The following PKD2L1 variants were observed in gnomAD, a reference collection of about 807,000 sequenced individuals.
The protein encoded by PKD2L1 is polycystin 2 like 1, transient receptor potential cation channel.
A neutral mutation model predicts 93.0 loss-of-function variants in PKD2L1; 77 were observed. The ratio of observed to expected loss-of-function variants is 0.83; its 90% CI spans 0.69 to 1.00. PKD2L1 has a LOEUF of 1.00. Ranked by LOEUF, PKD2L1 falls within the 50% of genes least tolerant of loss-of-function variation. PKD2L1 has a pLI of 0.00. For missense variants in PKD2L1, 977 were observed against 990.9 expected, an observed-to-expected ratio of 0.99 and a Z score of 0.19; for synonymous variants, 390 against 388.0, an observed-to-expected ratio of 1.01 and a Z score of -0.06.
At position 100,293,006 on chromosome 10, in the gene PKD2L1, C is replaced by A. The variant is rs762237935; in HGVS notation, c.1822G>T (p.Val608Phe). Residue 608 changes from valine (V) to phenylalanine (F), a missense_variant, in exon 11 of 16, where the codon GTC (valine) becomes TTC (phenylalanine). Transcript: ENST00000318222. ...RKERVSDVQK[V>F]LQGGEQEIQF... ...ATCTCCTGCTCCCCACCCTGCAGGA[C>A]CTTCTGCACATCCGAAACCCTCTCC... 3.1e-6 allele frequency: 5 copies of A among 1,613,876 alleles called. No homozygotes were observed. The highest frequency in any genetic ancestry group is 1.1e-5 in the South Asian group (1 of 91,080).
At chr10:100,326,885 T>C (rs1249936377) in intron 2 of PKD2L1, among the ~76,000 whole-genome samples, 3 of 145,062 alleles carry the variant, frequency 2.1e-5, no homozygotes, top group South Asian at 5.1e-4. Context: ...CTGAAAACCA[T>C]AGTATTATGA....
chr10:100,308,263 G>T (rs937710996), intron 2 of PKD2L1, among the ~76,000 whole-genome samples: 5 of 151,666 alleles, frequency 3.3e-5, no homozygotes, highest in African/African-American at 1.2e-4. Context: ...TTTCTCCCAG[G>T]ATCCTGAAAA....
chr10:100,300,641 T>C (rs978314166), intron 2 of PKD2L1, among the ~76,000 whole-genome samples: 3 of 152,258 alleles, frequency 2.0e-5, no homozygotes, highest in African/African-American at 7.2e-5. Flanking sequence ...TGATACTGTG[T>C]CTTTCTCAGT....
chr10:100,290,712 C>A (rs1848388375), intron 12 of PKD2L1, among the ~76,000 whole-genome samples, 193 bp from the exon 13 acceptor site: 1 of 152,178 alleles, frequency 6.6e-6, no homozygotes. Context: ...GAGGAGTCAC[C>A]TCTCAAAGAA....
At chr10:100,311,157 T>C (rs1054647701) in intron 2 of PKD2L1, among the ~76,000 whole-genome samples, 37 of 152,238 alleles carry the variant, frequency 2.4e-4, no homozygotes, top group Admixed American at 5.2e-4. Flanking sequence ...TTTTTCTTGC[T>C]CAGCAATGAG....
At chr10:100,315,517 G>A (rs615493) in intron 2 of PKD2L1, among the ~76,000 whole-genome samples, 151,763 of 152,288 alleles carry the variant, frequency 1, 75,626 homozygotes, top group Middle Eastern at 1. Context: ...ATGAGTGAGA[G>A]CATGCGATGT....
intron 2 of PKD2L1, among the ~76,000 whole-genome samples, chr10:100,325,419 A>T (rs557134788): frequency 6.6e-6 from 1 of 152,274 alleles, no homozygotes; most frequent in South Asian, 2.1e-4. Context: ...GTCGCCTGAA[A>T]ATATGTCTGA....
chr10:100,319,452 A>G (rs1849180148), intron 2 of PKD2L1, among the ~76,000 whole-genome samples: 1 of 151,312 alleles, frequency 6.6e-6, no homozygotes, highest in Non-Finnish European at 1.5e-5. Context: ...TCGTGGTTCT[A>G]TATGACAAAG....
chr10:100,296,849 G>T, intron 6 of PKD2L1, 131 bp downstream of exon 6: 1 of 633,010 alleles, frequency 1.6e-6, no homozygotes, highest in East Asian at 2.7e-5. Context: ...TTAGGGAGCT[G>T]TTAAATGATG....
chr10:100,291,408 C>T lies in PKD2L1; in HGVS notation c.1900G>A (p.Glu634Lys), dbSNP rs2134376313. 1 of 1,614,114 alleles carries T rather than the reference C, an allele frequency of 6.2e-7. No individual in the cohort carries two copies. Among genetic ancestry groups the T allele is most frequent in the Non-Finnish European group, 8.5e-7 (1 of 1,179,964 alleles). The part of the protein sequence containing the change: ...TLRELGHAEH[E>K]ITELTATFTK... ...AAGGTGGCCGTGAGCTCAGTGATTT[C>T]ATGCTCTGCGTGTCCCAGTCTGAGA... Residue 634 changes from glutamate (E) to lysine (K), a missense_variant, in exon 12 of 16, where the codon GAA (glutamate) becomes AAA (lysine). By Grantham distance (56) the Glu-to-Lys change is moderately conservative. Transcript: ENST00000318222.
In PKD2L1 at chr10:100,289,539, C is replaced by CA. The variant is rs760281202; in HGVS notation, c.2250+475dup. ...GGCCAACAAGAGTAAAATTCCATCT[C>CA]AAATAATAATAATAATAAATAAAAT... On this transcript the variant is annotated intron_variant, in intron 14 of 15. Coordinates refer to ENST00000318222, the MANE Select transcript of PKD2L1 (RefSeq NM_016112.3). 1.5e-3 allele frequency among the ~76,000 whole-genome samples: 225 copies of CA among 151,826 alleles called. 4 individuals are homozygous for CA. The highest frequency in any genetic ancestry group is 3.4e-3 in the Middle Eastern group (1 of 294).
At chr10:100,305,752 T>C (rs1383891238) in intron 2 of PKD2L1, among the ~76,000 whole-genome samples, 1 of 152,140 alleles carries the variant, frequency 6.6e-6, no homozygotes, top group Non-Finnish European at 1.5e-5. Flanking sequence ...GGAATCTGAA[T>C]CTAAAAGCAG....
At chr10:100,302,151 A>T (rs11190466) in intron 2 of PKD2L1, among the ~76,000 whole-genome samples, 26,532 of 151,914 alleles carry the variant, frequency 0.17, 2,790 homozygotes, top group African/African-American at 0.3. Context: ...GTGATTTTTT[A>T]AAATTCCACA....
At chr10:100,320,120 A>T (rs1849194108) in intron 2 of PKD2L1, among the ~76,000 whole-genome samples, 1 of 152,220 alleles carries the variant, frequency 6.6e-6, no homozygotes, top group Non-Finnish European at 1.5e-5. Flanking sequence ...TCATTCCTAA[A>T]CTATTCATAA....
At chr10:100,322,007 C>T (rs1459866349) in intron 2 of PKD2L1, among the ~76,000 whole-genome samples, 7 of 151,966 alleles carry the variant, frequency 4.6e-5, no homozygotes, top group African/African-American at 1.7e-4. Flanking sequence ...CTTTGGAAGG[C>T]TTGAGCCCAG....
In PKD2L1 at chr10:100,329,961, G is replaced by T; in HGVS notation, c.143C>A (p.Pro48His). The change falls in exon 1 of 16, where the codon CCC (proline) becomes CAC (histidine). Residue 48 changes from proline (P) to histidine (H), a missense_variant. Coordinates refer to ENST00000318222, the MANE Select transcript of PKD2L1 (RefSeq NM_016112.3). ...TTCATCTTCAGGCTTCTTGGGTTGGGGCTGGAGAGGCCCCGTGCTGGAGAT... is the reference window on the plus strand; with the variant it reads ...TTCATCTTCAGGCTTCTTGGGTTGGTGCTGGAGAGGCCCCGTGCTGGAGAT... ...CTISSTGPLQ[P>H]QPKKPEDEPQ... 1 of 1,614,032 alleles carries T rather than the reference G, an allele frequency of 6.2e-7. No individual in the cohort carries two copies. Among genetic ancestry groups the T allele is most frequent in the Non-Finnish European group, 8.5e-7 (1 of 1,179,956 alleles).
chr10:100,297,636 C>A, intron 4 of PKD2L1, 30 bp from the exon 5 acceptor site: 1 of 1,560,708 alleles, frequency 6.4e-7, no homozygotes, highest in Admixed American at 1.7e-5. Flanking sequence ...CTGAGCCAGC[C>A]CAAAAGTTCA....
chr10:100,299,819 C>T, intron 2 of PKD2L1, 101 bp from the exon 3 acceptor site: 1 of 1,029,644 alleles, frequency 9.7e-7, no homozygotes, highest in South Asian at 1.4e-5. Flanking sequence ...AGATGGAAGC[C>T]CATCCCCCAT....
intron 2 of PKD2L1, among the ~76,000 whole-genome samples, chr10:100,320,285 T>A (rs1849197127): frequency 6.6e-6 from 1 of 152,240 alleles, no homozygotes; most frequent in Non-Finnish European, 1.5e-5. Context: ...AGACAATTGA[T>A]GGGTCACCCA....
Sources: allele counts gnomAD v4.1 joint callset (sites outside exome capture counted in the v4.1 genomes callset), GRCh38; gene constraint gnomAD v4.1.1; transcripts MANE v1.5; gene names NCBI Gene and HGNC (gene_info 2026-07-23, HGNC 2026-07-21).